SCARB2: variants seen among roughly 807,000 people sequenced by gnomAD.
SCARB2 encodes scavenger receptor class B member 2, also known as lysosome membrane protein 2.
In SCARB2, 29 loss-of-function variants were observed where a neutral mutation model predicts 58.6. That is an observed-to-expected ratio of 0.49 (90% CI 0.37 to 0.67). The LOEUF (loss-of-function observed/expected upper bound fraction) is 0.67, where lower values mean the gene tolerates loss of function less well. Ranked by LOEUF, SCARB2 falls within the 30% of genes least tolerant of loss-of-function variation. The probability of loss-of-function intolerance (pLI) is 0.00; values close to 1 mark genes in which losing one functional copy is unlikely to be tolerated. For synonymous variants in SCARB2, 195 were observed against 210.1 expected (o/e 0.93, Z 0.62); for missense variants, 488 against 578.5 (o/e 0.84, Z 1.60).
intron 1 of SCARB2, among the ~76,000 whole-genome samples, chr4:76,221,267 G>A (rs1299491382): frequency 6.6e-6 from 1 of 152,128 alleles, no homozygotes; most frequent in Non-Finnish European, 1.5e-5. Flanking sequence ...CACTGGTCCT[G>A]GCCTGGGGAG....
upstream of SCARB2, among the ~76,000 whole-genome samples, chr4:76,217,975 G>T (rs1733243119): frequency 6.6e-6 from 1 of 152,196 alleles, no homozygotes. Context: ...TGAGTTTAAT[G>T]ATGTAGTCAT....
intron 1 of SCARB2, among the ~76,000 whole-genome samples, chr4:76,221,537 C>A (rs1057465244): frequency 6.6e-6 from 1 of 152,244 alleles, no homozygotes; most frequent in East Asian, 1.9e-4. Flanking sequence ...CCAGGCTGGT[C>A]TTGAACTCCT....
intron 1 of SCARB2, among the ~76,000 whole-genome samples, chr4:76,206,287 C>G (rs1732929481): frequency 6.6e-6 from 1 of 152,108 alleles, no homozygotes; most frequent in Non-Finnish European, 1.5e-5. Context: ...TTTGTGACAG[C>G]AGCCTGAATG....
intron 3 of SCARB2, 174 bp downstream of exon 3, chr4:76,180,780 T>C: frequency 2.2e-6 from 1 of 452,774 alleles, no homozygotes; most frequent in Non-Finnish European, 3.8e-6. Context: ...TTGATACATC[T>C]TAGAAAAAAG....
At chr4:76,221,193 C>A (rs4282210) in intron 1 of SCARB2, among the ~76,000 whole-genome samples, 147,250 of 152,342 alleles carry the variant, frequency 0.97, 71,269 homozygotes, top group Non-Finnish European at 0.99. Context: ...CCTCTGGAAC[C>A]GAATCATACA....
At chr4:76,184,826 G>C in intron 2 of SCARB2, 1 of 353,718 alleles carries the variant, frequency 2.8e-6, no homozygotes, top group South Asian at 2.4e-5. Context: ...AGAAAACTCA[G>C]TAAAAGACAG....
upstream of SCARB2, among the ~76,000 whole-genome samples, chr4:76,216,980 TC>T (rs1277205468): frequency 6.6e-6 from 1 of 152,210 alleles, no homozygotes; most frequent in Non-Finnish European, 1.5e-5. Context: ...TCTGTTCAGT[TC>T]CATCTTCTCT....
chr4:76,229,909 C>T (rs1382798934), intron 1 of SCARB2, among the ~76,000 whole-genome samples: 1 of 152,146 alleles, frequency 6.6e-6, no homozygotes, highest in East Asian at 1.9e-4. Flanking sequence ...TTTTCTCCTC[C>T]CTTGGAGCAG....
chr4:76,180,021 TA>T, intron 3 of SCARB2: 1 of 392,442 alleles, frequency 2.5e-6, no homozygotes, highest in Non-Finnish European at 4.9e-6. Context: ...AAGGTGGCGC[TA>T]CCTTCCGCCT....
chr4:76,179,047 GT>G (rs767676305), intron 4 of SCARB2: 1 of 155,028 alleles, frequency 6.5e-6, no homozygotes, highest in African/African-American at 3.0e-5. Flanking sequence ...TTTTGTTTTT[GT>G]TTTTGTTTTT....
At chr4:76,225,142 T>C (rs1733372783) in intron 1 of SCARB2, among the ~76,000 whole-genome samples, 1 of 152,214 alleles carries the variant, frequency 6.6e-6, no homozygotes, top group African/African-American at 2.4e-5. Context: ...GGCTGAGTAG[T>C]ATTCCATAGT....
At position 76,160,215 on chromosome 4, in the gene SCARB2, T is replaced by TATA. The variant is rs1731868482; in HGVS notation, c.*1495_*1497dup. ...GATAAGAAGCTATGGAAATGAAATC[T>TATA]ATATTTTTTTCTTCATTTGCTTACA... On this transcript the variant is annotated 3_prime_UTR_variant, in exon 12 of 12. Transcript: ENST00000264896. The TATA allele has an allele frequency of 6.6e-6, 1 of 152,234 alleles. No individual in the cohort carries two copies. Among genetic ancestry groups the TATA allele is most frequent in the Admixed American group, 6.5e-5 (1 of 15,284 alleles). 9.4% of individuals were successfully genotyped at this position (152,234 alleles called of 1,614,324 possible).
intron 1 of SCARB2, among the ~76,000 whole-genome samples, chr4:76,207,856 C>T (rs1732959962): frequency 6.6e-6 from 1 of 152,186 alleles, no homozygotes; most frequent in Admixed American, 6.5e-5. Flanking sequence ...TTTCCACAGG[C>T]AGGAATCTTC....
upstream of SCARB2, among the ~76,000 whole-genome samples, chr4:76,215,778 G>A (rs1325536697): frequency 6.6e-6 from 1 of 152,106 alleles, no homozygotes; most frequent in Non-Finnish European, 1.5e-5. Context: ...GAGTCTGTAG[G>A]AAGAGAAATG....
intron 1 of SCARB2, among the ~76,000 whole-genome samples, chr4:76,208,139 G>A (rs1732965703): frequency 6.6e-6 from 1 of 152,168 alleles, no homozygotes; most frequent in Non-Finnish European, 1.5e-5. Flanking sequence ...AGTCTGGGAT[G>A]GGGTCTGGTA....
intron 2 of SCARB2, among the ~76,000 whole-genome samples, chr4:76,183,688 T>A (rs1299804834): frequency 1.3e-5 from 2 of 152,228 alleles, no homozygotes; most frequent in Non-Finnish European, 2.9e-5. Context: ...TGGCCATTTG[T>A]GATCAACCCA....
intron 3 of SCARB2, chr4:76,180,525 C>T (rs1732360837): frequency 6.4e-6 from 1 of 155,456 alleles, no homozygotes. Flanking sequence ...TTTCTGGTGT[C>T]AATTTATGAA....
chr4:76,181,230 A>G, intron 2 of SCARB2, 129 bp from the exon 3 acceptor site: 1 of 910,358 alleles, frequency 1.1e-6, no homozygotes, highest in South Asian at 1.6e-5. Context: ...TAGAGACTGC[A>G]GCTACTAAGC....
At chr4:76,168,215 T>C (rs1732055391) in intron 9 of SCARB2, among the ~76,000 whole-genome samples, 188 bp downstream of exon 9, 1 of 152,176 alleles carries the variant, frequency 6.6e-6, no homozygotes, top group African/African-American at 2.4e-5. Flanking sequence ...TCTGTAAGTG[T>C]ATGATTAAAT....
Sources: gnomAD v4.1 joint callset for allele counts (sites outside exome capture counted in the v4.1 genomes callset) on GRCh38, gnomAD v4.1.1 for gene constraint, MANE v1.5 for transcripts, NCBI Gene and HGNC (gene_info 2026-07-23, HGNC 2026-07-21) for gene names.